Variants in RHEB observed in about 807,000 individuals in gnomAD.
RHEB encodes the protein Ras homolog, mTORC1 binding.
In RHEB, 2 loss-of-function variants were observed where a neutral mutation model predicts 28.8. The observed-to-expected ratio is 0.07, with a 90% CI of 0.03 to 0.22. The LOEUF (loss-of-function observed/expected upper bound fraction) is 0.22, where lower values mean the gene tolerates loss of function less well. RHEB is among the 10% of genes least tolerant of loss of function. RHEB has a pLI of 1.00. For missense variants in RHEB, 76 were observed against 219.9 expected, an observed-to-expected ratio of 0.35 and a Z score of 4.14; for synonymous variants, 69 against 77.3, an observed-to-expected ratio of 0.89 and a Z score of 0.56.
chr7:151,495,970 T>C (rs1041462396), intron 1 of RHEB, among the ~76,000 whole-genome samples: 1 of 152,164 alleles, frequency 6.6e-6, no homozygotes, highest in Admixed American at 6.5e-5. Context: ...GCCCAGCATT[T>C]TCCCAGTTTA....
chr7:151,510,204 AC>A (rs1302005418), intron 1 of RHEB, among the ~76,000 whole-genome samples: 1 of 151,278 alleles, frequency 6.6e-6, no homozygotes, highest in African/African-American at 2.4e-5. Flanking sequence ...TTCTCCCACC[AC>A]CCCCATCCCC....
chr7:151,500,246 A>T (rs750651692), intron 1 of RHEB, among the ~76,000 whole-genome samples: 3 of 152,240 alleles, frequency 2.0e-5, no homozygotes, highest in Non-Finnish European at 4.4e-5. Context: ...TAAAAACTGG[A>T]CTTTTTTTAG....
At chr7:151,499,690 T>C (rs1316665665) in intron 1 of RHEB, among the ~76,000 whole-genome samples, 1 of 152,160 alleles carries the variant, frequency 6.6e-6, no homozygotes, top group East Asian at 1.9e-4. Context: ...CTACTCCACG[T>C]GTAATTGTGG....
chr7:151,473,754 A>T lies in RHEB; in HGVS notation c.276-2149T>A, dbSNP rs190715917. On this transcript the variant is annotated intron_variant, in intron 4 of 7. Transcript: ENST00000262187. ...AACAGCCCCATTTGTTCCCAAACCC[A>T]CTTATGCCAGTTAAATTCATCATAG... is the stretch of plus-strand genomic sequence containing the variant. Among the ~76,000 whole-genome samples, 3 of 150,612 alleles carry T rather than the reference A, an allele frequency of 2.0e-5. No individual in the cohort carries two copies. The East Asian group carries it at 5.9e-4, about 29-fold the overall frequency.
At chr7:151,514,939 T>C (rs978444060) in intron 1 of RHEB, among the ~76,000 whole-genome samples, 3 of 151,968 alleles carry the variant, frequency 2.0e-5, no homozygotes, top group African/African-American at 7.3e-5. Context: ...CTCGGGAAGC[T>C]GAGGCAGGAG....
In RHEB at chr7:151,508,403, A is replaced by G. The variant is rs557544601; in HGVS notation, c.52+11057T>C. Among the ~76,000 whole-genome samples, 28 of 152,314 alleles carry G rather than the reference A, an allele frequency of 1.8e-4. No individual in the cohort carries two copies. The South Asian group carries it at 5.8e-3, about 32-fold the overall frequency. On this transcript the variant is annotated intron_variant, in intron 1 of 7. Transcript: ENST00000262187. ...CCTCACAGTATCTGGGCTGTCTAAT[A>G]TGGCAGCCAGTAGCCATACATGGAC...
chr7:151,491,021 AAG>A lies in RHEB; in HGVS notation c.53-9_53-8del. On this transcript the variant is annotated splice_region_variant and splice_polypyrimidine_tract_variant and intron_variant, in intron 1 of 7. Transcript: ENST00000262187. Reference sequence around the variant, plus strand: ...ATCGTCAATGAGGATTTCCCTATAAAAGAGAACAAGAGCTTAGTGTGTGTTGG... The same window carrying A: ...ATCGTCAATGAGGATTTCCCTATAAAAGAACAAGAGCTTAGTGTGTGTTGG... The A allele has an allele frequency of 6.2e-7, 1 of 1,606,852 alleles. No individual in the cohort carries two copies.
At chr7:151,491,597 T>TGTG (rs1227937267) in intron 1 of RHEB, among the ~76,000 whole-genome samples, 7 of 152,008 alleles carry the variant, frequency 4.6e-5, no homozygotes, top group African/African-American at 1.7e-4. Context: ...ATTAGCTGGG[T>TGTG]GTGGTGGCGG....
intron 3 of RHEB, among the ~76,000 whole-genome samples, chr7:151,478,923 C>T (rs1184821947): frequency 4.0e-5 from 6 of 151,754 alleles, no homozygotes; most frequent in Non-Finnish European, 8.8e-5. Context: ...GTGTGAGCCA[C>T]TGCACCCAGT....
intron 3 of RHEB, among the ~76,000 whole-genome samples, chr7:151,484,177 G>T (rs1009650448): frequency 2.0e-5 from 3 of 152,098 alleles, no homozygotes; most frequent in African/African-American, 7.2e-5. Context: ...GCTAATTTCT[G>T]CCCTATGCCC....
rs1563103629 is a variant in RHEB, at chr7:151,517,369, G to GA, written c.52+2090_52+2091insT. Among the ~76,000 whole-genome samples, 387 of 52,048 alleles carry GA rather than the reference G, an allele frequency of 7.4e-3. 9 individuals are homozygous for GA. The highest frequency in any genetic ancestry group is 0.015 in the African/African-American group (363 of 24,698). The allele number at this position is 52,048 out of a possible 152,430, so 34.1% of individuals were successfully genotyped here. ...GGTCACAAGAGCGAAACTCCGTCTCGGAAAAAAAAAAAAAAAAAAATCAAA... is the reference window on the plus strand; with the variant it reads ...GGTCACAAGAGCGAAACTCCGTCTCGAGAAAAAAAAAAAAAAAAAAATCAAA... On this transcript the variant is annotated intron_variant, in intron 1 of 7. Coordinates refer to ENST00000262187, the MANE Select transcript of RHEB (RefSeq NM_005614.4).
intron 2 of RHEB, 73 bp from the exon 3 acceptor site, chr7:151,484,877 C>A (rs1281509652): frequency 2.0e-6 from 2 of 993,956 alleles, no homozygotes. Flanking sequence ...TGAACAATGA[C>A]AACCAATCAA....
intron 1 of RHEB, among the ~76,000 whole-genome samples, chr7:151,499,138 G>A (rs906820028): frequency 6.6e-6 from 1 of 152,168 alleles, no homozygotes; most frequent in Non-Finnish European, 1.5e-5. Flanking sequence ...AGGCCAAGGC[G>A]GGTGGACTGA....
intron 4 of RHEB, among the ~76,000 whole-genome samples, chr7:151,474,732 A>T (rs1456829441): frequency 6.6e-6 from 1 of 152,228 alleles, no homozygotes; most frequent in African/African-American, 2.4e-5. Context: ...CAGGGGTTTT[A>T]TGATATAAAG....
chr7:151,474,266 C>T (rs73154854), intron 4 of RHEB, among the ~76,000 whole-genome samples: 2,628 of 152,048 alleles, frequency 0.017, 56 homozygotes, highest in East Asian at 0.11. Flanking sequence ...ATACAGTCTC[C>T]GCCTCCCAGG....
At position 151,468,950 on chromosome 7, in the gene RHEB, A is replaced by G. The variant is rs928725949; in HGVS notation, c.462+1621T>C. Among the ~76,000 whole-genome samples the G allele has an allele frequency of 2.6e-5, 4 of 152,250 alleles. No individual in the cohort carries two copies. The highest frequency in any genetic ancestry group is 7.2e-5 in the African/African-American group (3 of 41,460). On this transcript the variant is annotated intron_variant, in intron 7 of 7. Transcript: ENST00000262187. This position sits in a 1 kb window ranked among gnomAD's most constrained non-coding sequence, Gnocchi z 4.3. Reference sequence around the variant, plus strand: ...AGAAAAGTCATTTAACTTCTCTGAAACTTAATTTCCTCACTTCTAAAATGA... The same window carrying G: ...AGAAAAGTCATTTAACTTCTCTGAAGCTTAATTTCCTCACTTCTAAAATGA...
In RHEB at chr7:151,471,375, C is replaced by A. The variant is rs1802158788; in HGVS notation, c.380+19G>T. Reference sequence around the variant, plus strand: ...AGTGACTAAATCATCTTAGATTTGACTTTATAAAAGCTACATACCTTTCCA... The same window carrying A: ...AGTGACTAAATCATCTTAGATTTGAATTTATAAAAGCTACATACCTTTCCA... On this transcript the variant is annotated intron_variant, in intron 6 of 7. Coordinates refer to ENST00000262187, the MANE Select transcript of RHEB (RefSeq NM_005614.4). 6.8e-7 allele frequency: 1 copy of A among 1,462,966 alleles called. No individual in the cohort carries two copies. Among genetic ancestry groups the A allele is most frequent in the Admixed American group, 1.8e-5 (1 of 55,978 alleles). 90.6% of individuals were successfully genotyped at this position (1,462,966 alleles called of 1,614,324 possible).
In RHEB at chr7:151,519,614, G is replaced by A. The variant is rs1803145715; in HGVS notation, c.-103C>T. 2.8e-6 allele frequency: 3 copies of A among 1,084,832 alleles called. No homozygotes were observed. The highest frequency in any genetic ancestry group is 3.7e-6 in the Non-Finnish European group (3 of 820,456). The allele number at this position is 1,084,832 out of a possible 1,614,324, so 67.2% of individuals were successfully genotyped here. The stretch of plus-strand genomic sequence containing the variant: ...CCGCGCCGGGAGAGAGCGGCATACA[G>A]AGCAGGGGCGGCGGCGGGCGCGGCT... On this transcript the variant is annotated 5_prime_UTR_variant, in exon 1 of 8. Coordinates refer to ENST00000262187, the MANE Select transcript of RHEB (RefSeq NM_005614.4).
At chr7:151,495,961 C>G (rs1034501855) in intron 1 of RHEB, among the ~76,000 whole-genome samples, 1 of 152,164 alleles carries the variant, frequency 6.6e-6, no homozygotes, top group Non-Finnish European at 1.5e-5. Flanking sequence ...TCCCTACAAG[C>G]CCAGCATTTT....
Sources: allele counts gnomAD v4.1 joint callset (sites outside exome capture counted in the v4.1 genomes callset), GRCh38; gene constraint gnomAD v4.1.1; non-coding constraint Gnocchi (gnomAD v3.1); transcripts MANE v1.5; gene names NCBI Gene and HGNC (gene_info 2026-07-23, HGNC 2026-07-21).